Variants in SCAF8 observed in about 807,000 individuals in gnomAD.
SCAF8 encodes the protein SR-related and CTD-associated factor 8.
In SCAF8, 23 loss-of-function variants were observed where a neutral mutation model predicts 140.5. That is an observed-to-expected ratio of 0.16 (90% CI 0.12 to 0.23). The LOEUF is 0.23. Among genes scored for constraint, SCAF8 ranks in the 10% least tolerant of loss-of-function variants. The probability of loss-of-function intolerance (pLI) is 1.00; values close to 1 mark genes in which losing one functional copy is unlikely to be tolerated. For missense variants in SCAF8, 1,397 were observed against 1,555.7 expected, an observed-to-expected ratio of 0.90 and a Z score of 1.72; for synonymous variants, 575 against 528.9, an observed-to-expected ratio of 1.09 and a Z score of -1.20.
chr6:154,811,221 T>G (rs575126639), intron 12 of SCAF8, among the ~76,000 whole-genome samples: 4 of 152,260 alleles, frequency 2.6e-5, no homozygotes, highest in African/African-American at 9.6e-5. Context: ...ATAAAAGAAA[T>G]AATGTCAAAC....
At chr6:154,771,938 A>T (rs952644472) in intron 1 of SCAF8, among the ~76,000 whole-genome samples, 1 of 152,218 alleles carries the variant, frequency 6.6e-6, no homozygotes, top group African/African-American at 2.4e-5. Context: ...AACATACCGC[A>T]TGTATTTAGA....
chr6:154,793,769 C>T (rs892762313), intron 5 of SCAF8, among the ~76,000 whole-genome samples: 1 of 141,322 alleles, frequency 7.1e-6, no homozygotes, highest in Non-Finnish European at 1.5e-5. Context: ...GAGGCGAGAT[C>T]GCGCCGTTGC....
intron 13 of SCAF8, among the ~76,000 whole-genome samples, chr6:154,817,343 T>C (rs1778283508): frequency 1.3e-5 from 2 of 152,244 alleles, no homozygotes; most frequent in Non-Finnish European, 2.9e-5. Context: ...ATCTTTCTTG[T>C]ATCACGGTCC....
At chr6:154,743,835 A>T (rs1244306664) in intron 1 of SCAF8, among the ~76,000 whole-genome samples, 3 of 152,226 alleles carry the variant, frequency 2.0e-5, no homozygotes, top group Admixed American at 6.5e-5. Flanking sequence ...AAAATTTTTT[A>T]AAATCTTTTT....
At chr6:154,758,633 C>G (rs1431081036) in intron 1 of SCAF8, among the ~76,000 whole-genome samples, 1 of 151,980 alleles carries the variant, frequency 6.6e-6, no homozygotes, top group African/African-American at 2.4e-5. Context: ...TTTCTCTGGC[C>G]AAAAAGTCAT....
At chr6:154,770,313 C>CACACGTTGAGT in intron 1 of SCAF8, among the ~76,000 whole-genome samples, 2 of 152,080 alleles carry the variant, frequency 1.3e-5, no homozygotes, top group Middle Eastern at 6.8e-3. Context: ...CACACACACA[C>CACACGTTGAGT]ACACGTTGAG....
intron 3 of SCAF8, among the ~76,000 whole-genome samples, chr6:154,785,420 T>G (rs1777224140): frequency 6.6e-6 from 1 of 152,232 alleles, no homozygotes. Flanking sequence ...CTAAATTAGT[T>G]TTATAATGAT....
Position 154,785,746 on chromosome 6 carries a change from A to G in SCAF8, c.160-2115A>G, listed in dbSNP as rs377594636. 7.2e-5 allele frequency among the ~76,000 whole-genome samples: 11 copies of G among 152,214 alleles called. 1 individual carries two copies. The highest frequency in any genetic ancestry group is 2.0e-4 in the Admixed American group (3 of 15,274). On this transcript the variant is annotated intron_variant, in intron 3 of 19. Coordinates refer to ENST00000367178, the MANE Select transcript of SCAF8 (RefSeq NM_014892.5). The stretch of plus-strand genomic sequence containing the variant: ...AACTTACCTAGAAGGTTCTTTGACA[A>G]ATAACCATAACTGATGATAACCTGC...
At chr6:154,811,739 C>A (rs1477536986) in intron 12 of SCAF8, among the ~76,000 whole-genome samples, 1 of 145,056 alleles carries the variant, frequency 6.9e-6, no homozygotes, top group Non-Finnish European at 1.5e-5. Flanking sequence ...CGCCCTGTGT[C>A]CAAGTGTTCT....
intron 3 of SCAF8, among the ~76,000 whole-genome samples, chr6:154,783,821 A>T (rs974663292): frequency 2.6e-5 from 4 of 152,116 alleles, no homozygotes; most frequent in African/African-American, 9.7e-5. Context: ...TAATCCCAGC[A>T]CTTTGGGAGG....
rs61472336 is a variant in SCAF8 at position 154,764,277 on chromosome 6, C to CTTT, written c.31-9700_31-9698dup. ...GCTCTTGTTTAGTATATTTTCTTTCCTTTTTTTTTTTTTTGAGACGGAGTC... is the reference window on the plus strand; with the variant it reads ...GCTCTTGTTTAGTATATTTTCTTTCCTTTTTTTTTTTTTTTTTGAGACGGAGTC... On this transcript the variant is annotated intron_variant, in intron 1 of 19. Coordinates refer to ENST00000367178, the MANE Select transcript of SCAF8 (RefSeq NM_014892.5). Among the ~76,000 whole-genome samples the CTTT allele has an allele frequency of 8.5e-5, 12 of 141,770 alleles. 1 individual carries two copies. Among genetic ancestry groups the CTTT allele is most frequent in the South Asian group, 4.4e-4 (2 of 4,536 alleles). 93.0% of individuals were successfully genotyped at this position (141,770 alleles called of 152,430 possible).
chr6:154,780,111 C>T (rs761852468), intron 3 of SCAF8, among the ~76,000 whole-genome samples: 84 of 152,080 alleles, frequency 5.5e-4, no homozygotes, highest in Non-Finnish European at 2.2e-4. Context: ...GTTCCTTCAC[C>T]ACTAGGATGC....
chr6:154,761,422 G>T (rs562033405), intron 1 of SCAF8, among the ~76,000 whole-genome samples: 2 of 152,246 alleles, frequency 1.3e-5, no homozygotes, highest in Admixed American at 1.3e-4. Flanking sequence ...GGAGGTGGAG[G>T]TTACAGTGAG....
chr6:154,816,181 C>A (rs1369226227), intron 13 of SCAF8, among the ~76,000 whole-genome samples: 1 of 152,168 alleles, frequency 6.6e-6, no homozygotes, highest in Non-Finnish European at 1.5e-5. Context: ...TAGTCACTTG[C>A]ACATGACCAC....
rs199811064 is a variant in SCAF8, at chr6:154,831,929, T to G, written c.2360-10T>G. 3.2e-6 allele frequency: 5 copies of G among 1,567,184 alleles called. No individual in the cohort carries two copies. Among genetic ancestry groups the G allele is most frequent in the Non-Finnish European group, 3.4e-6 (4 of 1,161,972 alleles). ...TATTTTGAGTTTTTTCTCTCTCTCT[T>G]TTTTTTTAGTGATTCCAAATGATAT... On this transcript the variant is annotated splice_polypyrimidine_tract_variant and intron_variant, in intron 19 of 19. Coordinates refer to ENST00000367178, the MANE Select transcript of SCAF8 (RefSeq NM_014892.5).
intron 1 of SCAF8, among the ~76,000 whole-genome samples, chr6:154,763,084 T>C (rs764073746): frequency 6.6e-6 from 1 of 152,216 alleles, no homozygotes; most frequent in African/African-American, 2.4e-5. Flanking sequence ...TTTCTTCTTA[T>C]TTCATCATTT....
Position 154,815,783 on chromosome 6 carries a change from G to C in SCAF8, c.1488G>C (p.Leu496=), listed in dbSNP as rs531092567. ...KKATQQDLTN[L]FEEFGQIESI... ...CAACACAGCAAGACTTAACCAACCT[G>C]TTTGAAGAGTTTGGACAGATTGAAT... is the stretch of plus-strand genomic sequence containing the variant. Residue 496 remains leucine (L), a synonymous_variant, in exon 13 of 20, where the codon CTG becomes CTC. Transcript: ENST00000367178. 6.2e-7 allele frequency: 1 copy of C among 1,612,114 alleles called. No individual in the cohort carries two copies. The highest frequency in any genetic ancestry group is 1.3e-5 in the African/African-American group (1 of 74,874).
chr6:154,815,741 G>C lies in SCAF8; in HGVS notation c.1446G>C (p.Gly482=), dbSNP rs1486410236. 6.2e-7 allele frequency: 1 copy of C among 1,612,372 alleles called. No homozygotes were observed. Among genetic ancestry groups the C allele is most frequent in the Admixed American group, 1.7e-5 (1 of 60,014 alleles). Residue 482 remains glycine (G), a synonymous_variant, in exon 13 of 20, where the codon GGG becomes GGC. Coordinates refer to ENST00000367178, the MANE Select transcript of SCAF8 (RefSeq NM_014892.5). ...LSVCSTTLWV[G]QVDKKATQQD... is the part of the protein sequence containing the mutation. ...TATGTAGTACTACTCTCTGGGTTGGGCAAGTGGACAAGAAGGCAACACAGC... is the reference window on the plus strand; with the variant it reads ...TATGTAGTACTACTCTCTGGGTTGGCCAAGTGGACAAGAAGGCAACACAGC...
At chr6:154,784,974 C>T (rs1777209098) in intron 3 of SCAF8, among the ~76,000 whole-genome samples, 1 of 152,222 alleles carries the variant, frequency 6.6e-6, no homozygotes, top group Non-Finnish European at 1.5e-5. Context: ...TCATGTCTTG[C>T]ATACCCCCTA....
Sources: allele counts gnomAD v4.1 joint callset (sites outside exome capture counted in the v4.1 genomes callset), GRCh38; gene constraint gnomAD v4.1.1; transcripts MANE v1.5; gene names NCBI Gene and HGNC (gene_info 2026-07-23, HGNC 2026-07-21).